Variants in DNAH11 observed in about 807,000 individuals in gnomAD.
The protein encoded by DNAH11 is dynein axonemal heavy chain 11, also known as axonemal beta dynein heavy chain 11.
A neutral mutation model predicts 526.0 loss-of-function variants in DNAH11; 442 were observed. The ratio of observed to expected loss-of-function variants is 0.84; its 90% confidence interval spans 0.78 to 0.91. The LOEUF is 0.91. DNAH11 is among the 40% of genes least tolerant of loss of function. The pLI, the probability that DNAH11 is intolerant of heterozygous loss-of-function variation, is 0.00. For synonymous variants in DNAH11, 2,461 were observed against 1,935.9 expected, an observed-to-expected ratio of 1.27 and a Z score of -7.12; for missense variants, 6,989 against 5,448.7, an observed-to-expected ratio of 1.28 and a Z score of -8.90.
chr7:21,849,269 T>C (rs1408900474), intron 66 of DNAH11, among the ~76,000 whole-genome samples: 3 of 152,256 alleles, frequency 2.0e-5, no homozygotes, highest in Non-Finnish European at 4.4e-5. Context: ...CTCCCTCTCA[T>C]CCTTTATAAC....
At chr7:21,743,669 C>T (rs1786019110) in intron 49 of DNAH11, among the ~76,000 whole-genome samples, 1 of 152,110 alleles carries the variant, frequency 6.6e-6, no homozygotes, top group Non-Finnish European at 1.5e-5. Context: ...GTATCTAGCT[C>T]CTGCCAGAAA....
intron 8 of DNAH11, among the ~76,000 whole-genome samples, chr7:21,580,091 A>G (rs1204323020): frequency 6.6e-6 from 1 of 152,210 alleles, no homozygotes; most frequent in Admixed American, 6.5e-5. Flanking sequence ...GGGACTTTCC[A>G]AGGGAGAGGT....
At chr7:21,850,942 G>A (rs574961859) in intron 66 of DNAH11, among the ~76,000 whole-genome samples, 193 of 152,196 alleles carry the variant, frequency 1.3e-3, no homozygotes, top group Non-Finnish European at 1.7e-3. Flanking sequence ...TATTATGGAG[G>A]GGAAGCATTC....
At chr7:21,637,563 G>GA in intron 26 of DNAH11, 48 bp from the exon 27 acceptor site, 1 of 1,215,440 alleles carries the variant, frequency 8.2e-7, no homozygotes, top group Non-Finnish European at 1.2e-6. Context: ...TAAAAGTTTA[G>GA]AAAAGATTGT....
chr7:21,803,720 A>G (rs940466382), intron 62 of DNAH11, among the ~76,000 whole-genome samples: 2 of 151,574 alleles, frequency 1.3e-5, no homozygotes, highest in Non-Finnish European at 2.9e-5. Context: ...GGCTGTCATC[A>G]TTGAAGTCTG....
rs532977135 is a variant in DNAH11 at position 21,710,833 on chromosome 7, TAA to T, written c.6834+131_6834+132del. The T allele has an allele frequency of 5.5e-5, 50 of 909,602 alleles. 1 individual carries two copies. The South Asian group carries it at 1.1e-3, about 19-fold the overall frequency. The allele number at this position is 909,602 out of a possible 1,614,324, so 56.3% of individuals were successfully genotyped here. A position where few individuals can be genotyped will look rare whatever the true frequency, so the allele number is the denominator to read the frequency against. On this transcript the variant is annotated intron_variant, in intron 41 of 81. Coordinates refer to ENST00000409508, the MANE Select transcript of DNAH11 (RefSeq NM_001277115.2). ...ATTCTTTATGTAATTATTATTTTGATAAGTGTTGCTTTCCTGATAATTTTCTT... is the reference window on the plus strand; with the variant it reads ...ATTCTTTATGTAATTATTATTTTGATGTGTTGCTTTCCTGATAATTTTCTT...
At chr7:21,833,857 C>G (rs1342096608) in intron 65 of DNAH11, among the ~76,000 whole-genome samples, 1 of 152,076 alleles carries the variant, frequency 6.6e-6, no homozygotes, top group Non-Finnish European at 1.5e-5. Context: ...AACCCTCACT[C>G]TTGAAATTTC....
At chr7:21,644,593 T>A (rs1465245380) in intron 28 of DNAH11, among the ~76,000 whole-genome samples, 1 of 152,074 alleles carries the variant, frequency 6.6e-6, no homozygotes, top group African/African-American at 2.4e-5. Context: ...AAGCTGGGGC[T>A]GAAGAAGGAA....
At chr7:21,770,525 T>C (rs1178476771) in intron 55 of DNAH11, among the ~76,000 whole-genome samples, 3 of 152,144 alleles carry the variant, frequency 2.0e-5, no homozygotes, top group African/African-American at 7.2e-5. Flanking sequence ...TTTGCACTGC[T>C]TACCACCTCT....
intron 29 of DNAH11, among the ~76,000 whole-genome samples, chr7:21,658,522 C>T (rs540914782): frequency 6.6e-6 from 1 of 152,170 alleles, no homozygotes; most frequent in African/African-American, 2.4e-5. Flanking sequence ...GTGAAGAACC[C>T]CTTTTCTGTT....
intron 52 of DNAH11, among the ~76,000 whole-genome samples, chr7:21,749,442 C>T (rs1786304025): frequency 6.6e-6 from 1 of 152,154 alleles, no homozygotes; most frequent in African/African-American, 2.4e-5. Flanking sequence ...GTTTTCATCC[C>T]TCTGCTCCAG....
At chr7:21,611,045 T>C (rs1299961694) in intron 20 of DNAH11, among the ~76,000 whole-genome samples, 1 of 152,210 alleles carries the variant, frequency 6.6e-6, no homozygotes, top group African/African-American at 2.4e-5. Context: ...TTTCTGGGCA[T>C]GTCTGAGGAC....
In DNAH11 at chr7:21,570,085, C is replaced by G. The variant is rs770023215; in HGVS notation, c.1211C>G (p.Ser404Ter). Residue 404 changes from serine to a stop codon, truncating the protein, a stop_gained, in exon 7 of 82, where the codon TCA becomes TGA. Coordinates refer to ENST00000409508, the MANE Select transcript of DNAH11 (RefSeq NM_001277115.2). LOFTEE classifies it high-confidence loss of function. ...LFINQATAYL[S>*]PEDLLRGEIE... ...AAATCCTAGGCAACAGCTTACCTTT[C>G]ACCTGAGGACCTTTTGAGGGGAGAA... is the stretch of plus-strand genomic sequence containing the variant. The G allele has an allele frequency of 1.2e-6, 2 of 1,607,088 alleles. No homozygotes were observed. Among genetic ancestry groups the G allele is most frequent in the African/African-American group, 2.7e-5 (2 of 74,710 alleles).
intron 65 of DNAH11, among the ~76,000 whole-genome samples, chr7:21,838,125 A>G (rs145187804): frequency 1.6e-4 from 24 of 152,342 alleles, no homozygotes; most frequent in African/African-American, 5.8e-4. Flanking sequence ...GAGGAAACTC[A>G]AATAATAGAA....
chr7:21,836,979 G>A (rs569163893), intron 65 of DNAH11, among the ~76,000 whole-genome samples: 1 of 151,996 alleles, frequency 6.6e-6, no homozygotes, highest in African/African-American at 2.4e-5. Context: ...ATGACCAACA[G>A]GTACATGAAA....
At chr7:21,677,791 A>C (rs756616899) in intron 30 of DNAH11, among the ~76,000 whole-genome samples, 1 of 152,178 alleles carries the variant, frequency 6.6e-6, no homozygotes, top group South Asian at 2.1e-4. Flanking sequence ...GTGTGAGGTG[A>C]TAGCTCATTG....
intron 45 of DNAH11, among the ~76,000 whole-genome samples, chr7:21,731,261 CA>C (rs1198542383): frequency 2.6e-4 from 39 of 151,974 alleles, no homozygotes; most frequent in African/African-American, 8.7e-4. Flanking sequence ...ACAATTTTGT[CA>C]GTTAAAAATT....
In DNAH11 at chr7:21,550,176, A is replaced by G. The variant is rs143432243; in HGVS notation, c.495+5027A>G. Among the ~76,000 whole-genome samples, 762 of 152,100 alleles carry G rather than the reference A, an allele frequency of 5.0e-3. 2 individuals carry two copies. The highest frequency in any genetic ancestry group is 8.5e-3 in the Non-Finnish European group (579 of 67,996). On this transcript the variant is annotated intron_variant, in intron 2 of 81. Transcript: ENST00000409508. Reference sequence around the variant, plus strand: ...TTTAAACCACTCCCTTGACTTGAGTATAGTGAGTTCACCCCAGTTTAGCTG... The same window carrying G: ...TTTAAACCACTCCCTTGACTTGAGTGTAGTGAGTTCACCCCAGTTTAGCTG...
chr7:21,576,890 A>G (rs1256139046), intron 8 of DNAH11, among the ~76,000 whole-genome samples: 5 of 152,194 alleles, frequency 3.3e-5, no homozygotes, highest in African/African-American at 1.2e-4. Flanking sequence ...AGAAAGAGAA[A>G]TGTGTCTATG....
Sources: allele counts gnomAD v4.1 joint callset (sites outside exome capture counted in the v4.1 genomes callset), GRCh38; gene constraint gnomAD v4.1.1; transcripts MANE v1.5; gene names NCBI Gene and HGNC (gene_info 2026-07-23, HGNC 2026-07-21).